LRRTM4: variants seen among roughly 807,000 people sequenced by gnomAD.
The protein encoded by LRRTM4 is leucine-rich repeat transmembrane neuronal protein 4.
A neutral mutation model predicts 47.6 loss-of-function variants in LRRTM4; 25 were observed. The ratio of observed to expected loss-of-function variants is 0.53; its 90% CI spans 0.38 to 0.73. The LOEUF (loss-of-function observed/expected upper bound fraction) is 0.73, where lower values mean the gene tolerates loss of function less well. Among genes scored for constraint, LRRTM4 ranks in the 30% least tolerant of loss-of-function variants. The pLI is 0.00. For synonymous variants in LRRTM4, 311 were observed against 269.5 expected, an observed-to-expected ratio of 1.15 and a Z score of -1.51; for missense variants, 638 against 713.4, an observed-to-expected ratio of 0.89 and a Z score of 1.20.
intron 3 of LRRTM4, among the ~76,000 whole-genome samples, chr2:77,149,937 A>T (rs1463813687): frequency 2.0e-5 from 3 of 152,158 alleles, no homozygotes; most frequent in Non-Finnish European, 2.9e-5. Flanking sequence ...CTGACTTAAT[A>T]AAGATAATCA....
At chr2:77,203,626 G>A (rs1005090854) in intron 3 of LRRTM4, among the ~76,000 whole-genome samples, 10 of 152,150 alleles carry the variant, frequency 6.6e-5, no homozygotes, top group Non-Finnish European at 1.3e-4. Flanking sequence ...TGTGGGTTTA[G>A]CAAATACAAC....
At chr2:76,899,682 A>G (rs1318619636) in intron 3 of LRRTM4, among the ~76,000 whole-genome samples, 2 of 152,190 alleles carry the variant, frequency 1.3e-5, no homozygotes. Flanking sequence ...GGATGGAATT[A>G]CTAGGAATAT....
chr2:77,207,702 G>A (rs1674177239), intron 3 of LRRTM4, among the ~76,000 whole-genome samples: 1 of 151,536 alleles, frequency 6.6e-6, no homozygotes. Flanking sequence ...TGGTCTCTAG[G>A]TTCTCCTTAA....
rs140846477 is a variant in LRRTM4, at chr2:76,949,465, A to T, written c.1552-200549T>A. 2.6e-3 allele frequency among the ~76,000 whole-genome samples: 388 copies of T among 152,018 alleles called. 1 individual carries two copies. The highest frequency in any genetic ancestry group is 8.9e-3 in the African/African-American group (370 of 41,528). On this transcript the variant is annotated intron_variant, in intron 3 of 3. Coordinates refer to ENST00000409884, the MANE Select transcript of LRRTM4 (RefSeq NM_001134745.3). ...TGGAATAAAGTACCCCAAGGAGAGA[A>T]CAATTTATTCTGCTTGAATAGTTCA...
At chr2:77,112,599 A>ATTT (rs11389099) in intron 3 of LRRTM4, among the ~76,000 whole-genome samples, 38 of 147,048 alleles carry the variant, frequency 2.6e-4, no homozygotes, top group African/African-American at 9.1e-4. Flanking sequence ...GCAAGGAGGG[A>ATTT]TTTTTTTTTT....
At chr2:76,900,642 T>G (rs1446909421) in intron 3 of LRRTM4, among the ~76,000 whole-genome samples, 1 of 152,188 alleles carries the variant, frequency 6.6e-6, no homozygotes, top group Non-Finnish European at 1.5e-5. Context: ...TAAAGATTTA[T>G]GTGAAAGTAT....
chr2:77,360,556 A>T (rs1043089422), intron 3 of LRRTM4, among the ~76,000 whole-genome samples: 231 of 137,048 alleles, frequency 1.7e-3, no homozygotes, highest in Non-Finnish European at 2.3e-3. Flanking sequence ...ATTCATACAT[A>T]CATACATACA....
At chr2:76,990,494 C>T (rs1479975318) in intron 3 of LRRTM4, among the ~76,000 whole-genome samples, 2 of 151,572 alleles carry the variant, frequency 1.3e-5, no homozygotes, top group Non-Finnish European at 1.5e-5. Flanking sequence ...GAGCAGGGGT[C>T]ACTACCTTCT....
chr2:76,887,231 TA>T (rs923253885), intron 3 of LRRTM4, among the ~76,000 whole-genome samples: 1 of 151,784 alleles, frequency 6.6e-6, no homozygotes, highest in South Asian at 2.1e-4. Context: ...GCAAAAGTTA[TA>T]TAGTATCATA....
At chr2:77,070,597 A>G (rs1333139636) in intron 3 of LRRTM4, among the ~76,000 whole-genome samples, 4 of 151,824 alleles carry the variant, frequency 2.6e-5, no homozygotes, top group South Asian at 2.1e-4. Context: ...TTTTTTTATA[A>G]CATTAGGTTA....
At chr2:77,293,546 A>C (rs1366827225) in intron 3 of LRRTM4, among the ~76,000 whole-genome samples, 1 of 152,130 alleles carries the variant, frequency 6.6e-6, no homozygotes, top group Non-Finnish European at 1.5e-5. Context: ...CACACAAATA[A>C]GCTAAAGTCT....
At chr2:76,820,530 C>T (rs1306456787) in intron 3 of LRRTM4, among the ~76,000 whole-genome samples, 1 of 151,634 alleles carries the variant, frequency 6.6e-6, no homozygotes, top group Non-Finnish European at 1.5e-5. Flanking sequence ...AGAGCTGTAT[C>T]GCTAGAAGAA....
At chr2:77,520,024 A>G (rs1679421953) in intron 2 of LRRTM4, among the ~76,000 whole-genome samples, 160 bp from the exon 3 acceptor site, 1 of 152,110 alleles carries the variant, frequency 6.6e-6, no homozygotes, top group Admixed American at 6.6e-5. Flanking sequence ...TCAGTGTTGC[A>G]TGTTTGCTGC....
intron 3 of LRRTM4, among the ~76,000 whole-genome samples, chr2:76,760,142 A>G (rs1400848): frequency 0.27 from 41,205 of 151,962 alleles, 5,979 homozygotes; most frequent in East Asian, 0.47. Context: ...TGAGCGTCTC[A>G]CTTTCCTTTT....
intron 3 of LRRTM4, among the ~76,000 whole-genome samples, chr2:77,064,701 G>C (rs937767985): frequency 6.6e-6 from 1 of 152,096 alleles, no homozygotes; most frequent in African/African-American, 2.4e-5. Flanking sequence ...TCTTAGATTT[G>C]CTTGATGCTT....
chr2:77,230,536 A>G (rs1027942301), intron 3 of LRRTM4, among the ~76,000 whole-genome samples: 2 of 152,200 alleles, frequency 1.3e-5, no homozygotes, highest in Non-Finnish European at 2.9e-5. Context: ...AAGATTGTGA[A>G]GAAATAGCAA....
intron 3 of LRRTM4, among the ~76,000 whole-genome samples, chr2:76,788,010 T>G (rs888712093): frequency 2.0e-5 from 3 of 152,182 alleles, no homozygotes; most frequent in African/African-American, 7.2e-5. Flanking sequence ...AGTTAATATA[T>G]GTAAAAACAA....
At chr2:77,082,476 C>CT (rs1680563989) in intron 3 of LRRTM4, among the ~76,000 whole-genome samples, 2 of 152,010 alleles carry the variant, frequency 1.3e-5, no homozygotes, top group African/African-American at 4.8e-5. Flanking sequence ...ATTTGTACAA[C>CT]TTCTGCTGTT....
At chr2:77,282,849 T>G in intron 3 of LRRTM4, among the ~76,000 whole-genome samples, 1 of 151,986 alleles carries the variant, frequency 6.6e-6, no homozygotes, top group East Asian at 1.9e-4. Context: ...TAACTCAAGA[T>G]GGATTAAAGA....
Sources: allele counts gnomAD v4.1 joint callset (sites outside exome capture counted in the v4.1 genomes callset), GRCh38; gene constraint gnomAD v4.1.1; transcripts MANE v1.5; gene names NCBI Gene and HGNC (gene_info 2026-07-23, HGNC 2026-07-21).